PSD3: variants seen among roughly 807,000 people sequenced by gnomAD.
The protein encoded by PSD3 is pleckstrin and Sec7 domain containing 3.
PSD3 carries 49 observed loss-of-function variants against 105.5 expected under a neutral mutation model. The ratio of observed to expected loss-of-function variants is 0.46; its 90% CI spans 0.37 to 0.59. The LOEUF (loss-of-function observed/expected upper bound fraction) is 0.59. Among genes scored for constraint, PSD3 ranks in the 20% least tolerant of loss-of-function variants. The pLI, the probability that PSD3 is intolerant of heterozygous loss-of-function variation, is 0.00. For synonymous variants in PSD3, 557 were observed against 457.8 expected, an observed-to-expected ratio of 1.22 and a Z score of -2.77; for missense variants, 1,561 against 1,263.8, an observed-to-expected ratio of 1.24 and a Z score of -3.57.
At chr8:18,539,869 G>C (rs1260077948) in intron 15 of PSD3, among the ~76,000 whole-genome samples, 1 of 152,066 alleles carries the variant, frequency 6.6e-6, no homozygotes, top group African/African-American at 2.4e-5. Context: ...TTAAAGGTTT[G>C]ACACACCAGC....
intron 2 of PSD3, among the ~76,000 whole-genome samples, chr8:18,934,388 C>G (rs1821939001): frequency 6.6e-6 from 1 of 152,212 alleles, no homozygotes; most frequent in Non-Finnish European, 1.5e-5. Context: ...TTTTATAGCA[C>G]TTATTACATA....
chr8:19,023,004 C>T lies in PSD3; in HGVS notation c.324+61202G>A, dbSNP rs183775868. 8.3e-4 allele frequency among the ~76,000 whole-genome samples: 126 copies of T among 152,152 alleles called. 1 individual carries two copies. Among genetic ancestry groups the T allele is most frequent in the African/African-American group, 2.8e-3 (117 of 41,516 alleles). On this transcript the variant is annotated intron_variant, in intron 1 of 1. Transcript: ENST00000521475. The stretch of plus-strand genomic sequence containing the variant: ...TCTACCATCTTCTCATACTTCTTAG[C>T]TTGAAAGAGTCATAGCATTTTGTTT...
chr8:18,804,583 C>G lies in PSD3; in HGVS notation c.1849G>C (p.Val617Leu), dbSNP rs889073431. Residue 617 changes from valine (V) to leucine (L), a missense_variant, in exon 6 of 16, where the codon GTT becomes CTT. Coordinates refer to ENST00000327040, the MANE Select transcript of PSD3 (RefSeq NM_015310.4). ...AAAAACTTCAGATATTCTTCTGCAA[C>G]TAGTTTGCTAAATTCGTTGCTATAA... is the stretch of plus-strand genomic sequence containing the variant. ...LGKNNEFSKLVAEEYLKFFDF... is the reference protein window; with the variant it reads ...LGKNNEFSKLLAEEYLKFFDF... The G allele has an allele frequency of 1.2e-6, 2 of 1,613,522 alleles. No homozygotes were observed. Among genetic ancestry groups the G allele is most frequent in the East Asian group, 2.2e-5 (1 of 44,882 alleles).
intron 1 of PSD3, among the ~76,000 whole-genome samples, chr8:19,075,346 T>C (rs1192809053): frequency 2.0e-5 from 3 of 152,182 alleles, no homozygotes; most frequent in African/African-American, 7.2e-5. Context: ...CAAGTGATCC[T>C]CCCACCTTGG....
intron 4 of PSD3, among the ~76,000 whole-genome samples, chr8:18,839,859 C>T (rs1437385055): frequency 3.9e-5 from 6 of 152,258 alleles, no homozygotes; most frequent in African/African-American, 1.2e-4. Context: ...CCCACACAGT[C>T]GATGGCAGTG....
At chr8:18,773,351 T>C (rs1456715392) in intron 8 of PSD3, among the ~76,000 whole-genome samples, 1 of 152,224 alleles carries the variant, frequency 6.6e-6, no homozygotes, top group Non-Finnish European at 1.5e-5. Context: ...CATTAGCCTG[T>C]CCTTATGCCA....
chr8:18,798,450 G>C (rs1329443643), intron 8 of PSD3, among the ~76,000 whole-genome samples: 1 of 152,078 alleles, frequency 6.6e-6, no homozygotes, highest in Non-Finnish European at 1.5e-5. Context: ...TGGTCCCATA[G>C]AGCTCCATGG....
At chr8:18,774,341 A>C (rs1202610329) in intron 8 of PSD3, among the ~76,000 whole-genome samples, 1 of 152,176 alleles carries the variant, frequency 6.6e-6, no homozygotes, top group Non-Finnish European at 1.5e-5. Context: ...AGAGACATCC[A>C]TCTCCCCAAA....
At chr8:18,564,744 C>T (rs899316218) in intron 14 of PSD3, among the ~76,000 whole-genome samples, 35 of 152,176 alleles carry the variant, frequency 2.3e-4, no homozygotes, top group African/African-American at 7.2e-4. Flanking sequence ...ATGACCTCCT[C>T]CCCTGAAATC....
intron 11 of PSD3, among the ~76,000 whole-genome samples, chr8:18,605,613 T>C (rs1387217495): frequency 6.6e-6 from 1 of 152,152 alleles, no homozygotes; most frequent in Non-Finnish European, 1.5e-5. Context: ...GAGAAGGACA[T>C]GATATTTGGG....
intron 9 of PSD3, among the ~76,000 whole-genome samples, chr8:18,675,456 A>G (rs1800014894): frequency 6.6e-6 from 1 of 152,194 alleles, no homozygotes; most frequent in Non-Finnish European, 1.5e-5. Context: ...AGTAACGAGT[A>G]CACTAGTGTT....
intron 9 of PSD3, among the ~76,000 whole-genome samples, chr8:18,742,678 G>A (rs994803525): frequency 6.6e-6 from 1 of 151,898 alleles, no homozygotes; most frequent in Admixed American, 6.6e-5. Context: ...CTTCAGTCCT[G>A]GAGATTACAT....
At chr8:18,943,382 A>T (rs191009440) in intron 1 of PSD3, among the ~76,000 whole-genome samples, 30 of 152,370 alleles carry the variant, frequency 2.0e-4, no homozygotes, top group African/African-American at 7.0e-4. Flanking sequence ...ATCCAAAGCT[A>T]CTAAAAGCAC....
chr8:18,985,316 G>C (rs1225155311), intron 1 of PSD3, among the ~76,000 whole-genome samples: 1 of 152,090 alleles, frequency 6.6e-6, no homozygotes, highest in Non-Finnish European at 1.5e-5. Context: ...GTAAAATTAT[G>C]AGCCTTTGGA....
intron 9 of PSD3, among the ~76,000 whole-genome samples, chr8:18,712,321 A>C (rs962908402): frequency 1.3e-5 from 2 of 152,002 alleles, no homozygotes; most frequent in Admixed American, 6.6e-5. Context: ...CTTCCAAAAA[A>C]AAAAAATCAA....
chr8:18,530,936 T>C lies in PSD3; in HGVS notation c.*4807A>G, dbSNP rs1799608852. On this transcript the variant is annotated 3_prime_UTR_variant, in exon 16 of 16. Transcript: ENST00000327040. The stretch of plus-strand genomic sequence containing the variant: ...CTCAACAACTTCATTATATAATCAG[T>C]CCTATGAGGTTGTACTTGCTTTTCA... 1 of 152,172 alleles carries C rather than the reference T, an allele frequency of 6.6e-6. No homozygotes were observed. Among genetic ancestry groups the C allele is most frequent in the African/African-American group, 2.4e-5 (1 of 41,442 alleles). The allele number at this position is 152,172 out of a possible 1,614,324, so 9.4% of individuals were successfully genotyped here. A position where few individuals can be genotyped will look rare whatever the true frequency, so the allele number is the denominator to read the frequency against.
chr8:18,780,270 T>C (rs1311965116), intron 8 of PSD3, among the ~76,000 whole-genome samples: 1 of 152,188 alleles, frequency 6.6e-6, no homozygotes, highest in Admixed American at 6.5e-5. Flanking sequence ...ATGGATTATC[T>C]TTTTCCATCC....
intron 1 of PSD3, chr8:18,979,848 G>T (rs1825160953): frequency 6.6e-6 from 1 of 152,192 alleles, no homozygotes; most frequent in Non-Finnish European, 1.5e-5. Context: ...AGGTTATCAG[G>T]TCTTTATTGC....
chr8:18,818,683 A>AC (rs34956959), intron 4 of PSD3, among the ~76,000 whole-genome samples: 7,637 of 150,926 alleles, frequency 0.051, 252 homozygotes, highest in Non-Finnish European at 0.072. Context: ...TCCTCTCCAT[A>AC]CCCCCCCCAA....
Sources: allele counts gnomAD v4.1 joint callset (sites outside exome capture counted in the v4.1 genomes callset), GRCh38; gene constraint gnomAD v4.1.1; transcripts MANE v1.5; gene names NCBI Gene and HGNC (gene_info 2026-07-23, HGNC 2026-07-21).